CPNE4: variants seen among roughly 807,000 people sequenced by gnomAD.
The protein encoded by CPNE4 is copine 4.
CPNE4 carries 25 observed loss-of-function variants against 67.9 expected under a neutral mutation model. The ratio of observed to expected loss-of-function variants is 0.37; its 90% confidence interval spans 0.27 to 0.51. The LOEUF is 0.51. CPNE4 is among the 20% of genes least tolerant of loss of function. The pLI is 0.93. For missense variants in CPNE4, 464 were observed against 690.8 expected, an observed-to-expected ratio of 0.67 and a Z score of 3.68; for synonymous variants, 242 against 244.9, an observed-to-expected ratio of 0.99 and a Z score of 0.11.
At chr3:131,962,103 G>A (rs1468038226) in intron 1 of CPNE4, among the ~76,000 whole-genome samples, 1 of 152,134 alleles carries the variant, frequency 6.6e-6, no homozygotes, top group African/African-American at 2.4e-5. Flanking sequence ...GACCTTTGCT[G>A]TTCCCCTTTG....
At chr3:131,984,000 C>G (rs546038303) in intron 1 of CPNE4, among the ~76,000 whole-genome samples, 1 of 152,148 alleles carries the variant, frequency 6.6e-6, no homozygotes, top group African/African-American at 2.4e-5. Flanking sequence ...CAAAAGCAAC[C>G]AGAAGCATTT....
chr3:131,876,738 G>C (rs1025939154), intron 2 of CPNE4, among the ~76,000 whole-genome samples: 1 of 151,958 alleles, frequency 6.6e-6, no homozygotes, highest in African/African-American at 2.4e-5. Context: ...TTTTGCTAAA[G>C]GTTAATCTAT....
chr3:131,581,743 G>A, intron 8 of CPNE4, 78 bp from the exon 9 acceptor site: 1 of 992,334 alleles, frequency 1.0e-6, no homozygotes, highest in Non-Finnish European at 1.6e-6. Context: ...CCTAGGTGCT[G>A]CTGAGGACAA....
chr3:131,698,189 C>A (rs1470274310), intron 4 of CPNE4, among the ~76,000 whole-genome samples: 1 of 128,702 alleles, frequency 7.8e-6, no homozygotes, highest in African/African-American at 3.0e-5. Flanking sequence ...GAGATGAGAT[C>A]GTGCCACTGT....
At chr3:132,022,563 T>C (rs1287013981) in intron 1 of CPNE4, among the ~76,000 whole-genome samples, 2 of 54,504 alleles carry the variant, frequency 3.7e-5, no homozygotes, top group East Asian at 7.4e-4. Flanking sequence ...ACAAAGATGC[T>C]ATACAAAAAA....
At chr3:131,647,043 T>C (rs1253797833) in intron 7 of CPNE4, among the ~76,000 whole-genome samples, 1 of 152,192 alleles carries the variant, frequency 6.6e-6, no homozygotes, top group Non-Finnish European at 1.5e-5. Context: ...AGCTGTCTTA[T>C]AGTTACTGTG....
At chr3:131,601,731 T>C (rs1006529599) in intron 7 of CPNE4, among the ~76,000 whole-genome samples, 36 of 152,176 alleles carry the variant, frequency 2.4e-4, no homozygotes, top group African/African-American at 8.2e-4. Context: ...AATTGGAATG[T>C]AATCTGTCCA....
At chr3:132,034,489 TGCTAC>T in intron 1 of CPNE4, 73 bp downstream of exon 1, 1 of 712,014 alleles carries the variant, frequency 1.4e-6, no homozygotes, top group South Asian at 6.3e-5. Context: ...AAGTTGGTCT[TGCTAC>T]GCAGCAGCTC....
intron 2 of CPNE4, among the ~76,000 whole-genome samples, chr3:131,792,271 T>C (rs1199230464): frequency 1.3e-5 from 2 of 152,084 alleles, no homozygotes; most frequent in Non-Finnish European, 2.9e-5. Context: ...TCCATTTTCT[T>C]CCACTTCAGA....
intron 7 of CPNE4, among the ~76,000 whole-genome samples, chr3:131,589,136 C>T (rs374630989): frequency 6.6e-6 from 1 of 152,056 alleles, no homozygotes; most frequent in South Asian, 2.1e-4. Context: ...AGAATTGGCT[C>T]GCACAATTAC....
At chr3:131,940,629 T>A (rs1212106975) in intron 1 of CPNE4, among the ~76,000 whole-genome samples, 2 of 152,046 alleles carry the variant, frequency 1.3e-5, no homozygotes, top group Non-Finnish European at 2.9e-5. Context: ...CTCCTAGAAC[T>A]CTCACCTGAA....
chr3:131,967,854 T>G (rs1277142411), intron 1 of CPNE4, among the ~76,000 whole-genome samples: 1 of 152,134 alleles, frequency 6.6e-6, no homozygotes, highest in Non-Finnish European at 1.5e-5. Context: ...AGAAAAAAAC[T>G]ACTTTAAAAT....
At chr3:131,775,131 A>C (rs532856008) in intron 2 of CPNE4, among the ~76,000 whole-genome samples, 91 of 152,210 alleles carry the variant, frequency 6.0e-4, no homozygotes, top group African/African-American at 2.1e-3. Flanking sequence ...CTAGCTTTAA[A>C]AAATTTTTGT....
chr3:131,762,654 A>T (rs1421842432), intron 2 of CPNE4, among the ~76,000 whole-genome samples: 1 of 152,110 alleles, frequency 6.6e-6, no homozygotes, highest in Non-Finnish European at 1.5e-5. Context: ...CTGACATCTG[A>T]GCAATATTAA....
intron 2 of CPNE4, among the ~76,000 whole-genome samples, chr3:131,820,579 T>C (rs546846606): frequency 6.6e-6 from 1 of 152,378 alleles, no homozygotes; most frequent in Non-Finnish European, 1.5e-5. Context: ...AAATAATGTT[T>C]GCTTTACTTA....
intron 5 of CPNE4, among the ~76,000 whole-genome samples, chr3:131,691,492 T>C (rs1431102729): frequency 6.6e-6 from 1 of 152,116 alleles, no homozygotes; most frequent in Non-Finnish European, 1.5e-5. Flanking sequence ...AGCTAAACAT[T>C]GGGTACACAT....
At chr3:131,889,079 T>C (rs969128914) in intron 2 of CPNE4, among the ~76,000 whole-genome samples, 2 of 152,204 alleles carry the variant, frequency 1.3e-5, no homozygotes, top group African/African-American at 4.8e-5. Flanking sequence ...AAGTATTGAA[T>C]ATCTATTAAG....
chr3:132,025,627 C>T (rs1414867829), intron 1 of CPNE4, among the ~76,000 whole-genome samples: 2 of 152,220 alleles, frequency 1.3e-5, no homozygotes, highest in African/African-American at 2.4e-5. Flanking sequence ...TAATTAACTA[C>T]TAATAAGCCT....
At chr3:131,993,979 G>A (rs563103862) in intron 1 of CPNE4, among the ~76,000 whole-genome samples, 1 of 136,408 alleles carries the variant, frequency 7.3e-6, no homozygotes, top group South Asian at 2.5e-4. Context: ...AAGTTGCATT[G>A]TAGAAAGACA....
Sources: gnomAD v4.1 joint callset for allele counts (sites outside exome capture counted in the v4.1 genomes callset) on GRCh38, gnomAD v4.1.1 for gene constraint, MANE v1.5 for transcripts, NCBI Gene and HGNC (gene_info 2026-07-23, HGNC 2026-07-21) for gene names.